BBOF1: variants seen among roughly 807,000 people sequenced by gnomAD.
The protein encoded by BBOF1 is basal body orientation factor 1.
BBOF1 carries 62 observed loss-of-function variants against 68.0 expected under a neutral mutation model. That is an observed-to-expected ratio of 0.91 (90% CI 0.74 to 1.13). The LOEUF is 1.13. BBOF1 is among the 50% of genes most tolerant of loss of function. BBOF1 has a pLI of 0.00. For synonymous variants in BBOF1, 208 were observed against 198.8 expected (o/e 1.05, Z -0.39); for missense variants, 534 against 600.1 (o/e 0.89, Z 1.15).
intron 8 of BBOF1, chr14:74,054,975 T>C (rs1413602481): frequency 6.5e-6 from 1 of 152,958 alleles, no homozygotes; most frequent in East Asian, 1.9e-4. Flanking sequence ...CTCCTTAGAG[T>C]TTTCTACTTT....
intron 11 of BBOF1, among the ~76,000 whole-genome samples, chr14:74,064,252 C>T (rs1444969580): frequency 6.7e-6 from 1 of 150,068 alleles, no homozygotes; most frequent in Non-Finnish European, 1.5e-5. Context: ...GAGCTAAGAC[C>T]ATGCCACAGC....
intron 9 of BBOF1, among the ~76,000 whole-genome samples, chr14:74,075,732 T>C (rs909634152): frequency 6.6e-6 from 1 of 152,198 alleles, no homozygotes. Flanking sequence ...CAAAATTTAT[T>C]ACCAAATGCA....
intron 9 of BBOF1, chr14:74,072,730 C>A (rs1392326568): frequency 8.8e-7 from 1 of 1,133,526 alleles, no homozygotes; most frequent in Non-Finnish European, 1.3e-6. Context: ...ATAACGGAAT[C>A]TTCTGGTCTT....
intron 2 of BBOF1, among the ~76,000 whole-genome samples, chr14:74,025,332 T>A (rs2059399317): frequency 6.6e-6 from 1 of 152,164 alleles, no homozygotes; most frequent in Non-Finnish European, 1.5e-5. Flanking sequence ...AATCATGGAT[T>A]GCCATTAAAC....
chr14:74,038,021 A>ACCACTTAG (rs11282847), intron 4 of BBOF1, among the ~76,000 whole-genome samples: 81,319 of 150,928 alleles, frequency 0.54, 22,726 homozygotes, highest in East Asian at 0.89. Context: ...TCTTTTTTAT[A>ACCACTTAG]CCCCATTCTG....
intron 6 of BBOF1, among the ~76,000 whole-genome samples, 157 bp downstream of exon 6, chr14:74,046,287 A>G (rs2059947107): frequency 6.6e-6 from 1 of 150,784 alleles, no homozygotes; most frequent in Admixed American, 6.6e-5. Flanking sequence ...CTCTTTGTAT[A>G]CTCCCACCCC....
At chr14:74,050,740 C>T (rs1365349019) in intron 8 of BBOF1, among the ~76,000 whole-genome samples, 1 of 152,004 alleles carries the variant, frequency 6.6e-6, no homozygotes, top group Non-Finnish European at 1.5e-5. Context: ...TATTTTGTAC[C>T]GTTTACTATC....
intron 3 of BBOF1, among the ~76,000 whole-genome samples, chr14:74,033,688 A>G (rs2059629288): frequency 6.6e-6 from 1 of 152,174 alleles, no homozygotes; most frequent in Non-Finnish European, 1.5e-5. Flanking sequence ...CATCCTGGCT[A>G]ACATGGTGAA....
At position 74,034,169 on chromosome 14, in the gene BBOF1, G is replaced by C; in HGVS notation, c.493G>C (p.Asp165His). The stretch of plus-strand genomic sequence containing the variant: ...AATCCAAGTGGAGAGAGAGTTAGAT[G>C]ATGTAAGTTTCATTCCTTTTTTACA... ...RKIQVERELD[D>H]LKENLRNTER... The change falls in exon 4 of 12, where the codon GAT (aspartate) becomes CAT (histidine). Residue 165 changes from aspartate to histidine, a missense_variant and splice_region_variant. Asp to His is a moderately conservative substitution (Grantham distance 81, BLOSUM62 -1). Transcript: ENST00000394009. 2.6e-6 allele frequency: 4 copies of C among 1,542,584 alleles called. No individual in the cohort carries two copies. The highest frequency in any genetic ancestry group is 1.7e-6 in the Non-Finnish European group (2 of 1,145,870).
rs550734572 is a variant in BBOF1 at position 74,062,781 on chromosome 14, G to A, written c.1579-1907G>A. ...AAAATAAAAAAGCCCCACATCCCTC[G>A]CCCTGTGGCAGCACATAGCTGGCAC... On this transcript the variant is annotated intron_variant, in intron 11 of 11. Transcript: ENST00000394009. Among the ~76,000 whole-genome samples the A allele has an allele frequency of 2.6e-4, 39 of 151,814 alleles. No homozygotes were observed. In the South Asian group the frequency reaches 3.5e-3, roughly 14 times the overall value.
At chr14:74,081,186 A>C (rs2060664498) in intron 11 of BBOF1, 1 of 152,224 alleles carries the variant, frequency 6.6e-6, no homozygotes, top group South Asian at 2.1e-4. Flanking sequence ...CACGCTATGA[A>C]ATAATAGCTT....
chr14:74,075,795 T>C (rs1324677433), intron 9 of BBOF1, among the ~76,000 whole-genome samples: 1 of 152,246 alleles, frequency 6.6e-6, no homozygotes, highest in African/African-American at 2.4e-5. Context: ...ATAAGAACTT[T>C]ATTTGTAGTA....
intron 2 of BBOF1, among the ~76,000 whole-genome samples, chr14:74,025,123 A>G (rs1555370365): frequency 1.3e-5 from 2 of 152,166 alleles, no homozygotes; most frequent in Non-Finnish European, 2.9e-5. Context: ...ATTGCCCTCT[A>G]TAAAGTATTG....
Position 74,059,636 on chromosome 14 carries a change from G to A in BBOF1, c.1578+2378G>A, listed in dbSNP as rs146605362. On this transcript the variant is annotated intron_variant, in intron 11 of 11. Transcript: ENST00000394009. ...CTTGAACCTGGGAGGCGGAGGTTGC[G>A]GTGAGCTGAGATCACGCCATTGCAC... is the stretch of plus-strand genomic sequence containing the variant. The A allele has an allele frequency of 6.2e-3, 1,448 of 231,962 alleles. 22 individuals carry two copies. The highest frequency in any genetic ancestry group is 0.031 in the African/African-American group (1,351 of 42,938). 14.4% of individuals were successfully genotyped at this position (231,962 alleles called of 1,614,324 possible).
chr14:74,047,517 T>C (rs893247041), intron 6 of BBOF1, among the ~76,000 whole-genome samples: 3 of 152,018 alleles, frequency 2.0e-5, no homozygotes, highest in African/African-American at 7.2e-5. Context: ...TGCTGTAGCC[T>C]TGACTTCTTG....
chr14:74,048,929 G>A (rs940177197), intron 7 of BBOF1, among the ~76,000 whole-genome samples: 1 of 152,208 alleles, frequency 6.6e-6, no homozygotes, highest in Non-Finnish European at 1.5e-5. Context: ...CTAGAATGCA[G>A]TGGCATGATC....
intron 4 of BBOF1, among the ~76,000 whole-genome samples, chr14:74,036,475 G>T (rs909412241): frequency 2.6e-5 from 4 of 152,052 alleles, no homozygotes; most frequent in African/African-American, 7.2e-5. Context: ...CTGAGGTCAG[G>T]AGTTTGAGAC....
chr14:74,081,927 C>T (rs942620797), intron 12 of BBOF1, among the ~76,000 whole-genome samples: 3 of 152,118 alleles, frequency 2.0e-5, no homozygotes, highest in Admixed American at 2.0e-4. Flanking sequence ...ATTTTCTTGC[C>T]CAGGTGCAGC....
chr14:74,077,756 C>A (rs1406290113), intron 9 of BBOF1, among the ~76,000 whole-genome samples: 2 of 152,146 alleles, frequency 1.3e-5, no homozygotes, highest in Non-Finnish European at 2.9e-5. Context: ...TTGGTGGAGA[C>A]AAACCAACCA....
Sources: allele counts gnomAD v4.1 joint callset (sites outside exome capture counted in the v4.1 genomes callset), GRCh38; gene constraint gnomAD v4.1.1; transcripts MANE v1.5; gene names NCBI Gene and HGNC (gene_info 2026-07-23, HGNC 2026-07-21).